The following TSC1 variants were observed in gnomAD, a reference collection of about 807,000 sequenced individuals.
TSC1 encodes TSC complex subunit 1.
TSC1 carries 20 observed loss-of-function variants against 124.3 expected under a neutral mutation model. The observed-to-expected ratio is 0.16, with a 90% confidence interval of 0.11 to 0.23. The LOEUF is 0.23. TSC1 is among the 10% of genes least tolerant of loss of function. The pLI is 1.00. For missense variants in TSC1, 1,124 were observed against 1,448.5 expected (o/e 0.78, Z 3.64); for synonymous variants, 493 against 539.1 (o/e 0.91, Z 1.19).
chr9:132,935,564 G>A (rs759227162), intron 1 of TSC1, among the ~76,000 whole-genome samples: 3 of 152,168 alleles, frequency 2.0e-5, no homozygotes, highest in African/African-American at 7.2e-5. Flanking sequence ...CATTGCCCTC[G>A]GCACAGCACG....
chr9:132,929,362 T>C (rs1249459059), intron 2 of TSC1, among the ~76,000 whole-genome samples: 1 of 152,256 alleles, frequency 6.6e-6, no homozygotes, highest in Non-Finnish European at 1.5e-5. Context: ...ATTTCCTTCT[T>C]GACAGTCTCA....
intron 1 of TSC1, among the ~76,000 whole-genome samples, chr9:132,936,480 T>C (rs1216422685): frequency 6.6e-6 from 1 of 152,242 alleles, no homozygotes; most frequent in Non-Finnish European, 1.5e-5. Context: ...TTAAGTTTAC[T>C]ACAAAAGAGA....
chr9:132,933,048 CTGGCTT>C (rs1483721739), intron 2 of TSC1, among the ~76,000 whole-genome samples: 9 of 152,316 alleles, frequency 5.9e-5, no homozygotes, highest in South Asian at 2.1e-4. Context: ...TGGTGGCTGT[CTGGCTT>C]TGGCTTTGGT....
chr9:132,939,191 T>G (rs1847613413), intron 1 of TSC1: 1 of 152,230 alleles, frequency 6.6e-6, no homozygotes, highest in South Asian at 2.1e-4. Context: ...AGGGTAATAT[T>G]CTATCAAGTG....
In TSC1 at chr9:132,932,895, T is replaced by C. The variant is rs191754607; in HGVS notation, c.-81+2138A>G. Among the ~76,000 whole-genome samples the C allele has an allele frequency of 2.8e-3, 432 of 152,326 alleles. 1 individual carries two copies. Among genetic ancestry groups the C allele is most frequent in the Non-Finnish European group, 4.7e-3 (319 of 68,040 alleles). On this transcript the variant is annotated intron_variant, in intron 2 of 22. Coordinates refer to ENST00000298552, the MANE Select transcript of TSC1 (RefSeq NM_000368.5). ...CATCACTTTTCAATAAAAGATACTT[T>C]GTAATTCATGAGAAACCTTGAACTA...
rs138919457 is a variant in TSC1, at chr9:132,923,040, C to T, written c.508+308G>A. On this transcript the variant is annotated intron_variant, in intron 6 of 22. Transcript: ENST00000298552. The surrounding 1 kb of genome is among the most constrained non-coding windows in gnomAD (Gnocchi z 4.2). ...AATGTCCCACAAGCTTAGTCCTGTA[C>T]TGCTGCAATACAGACGGAGGCTGTT... 7.6e-3 allele frequency among the ~76,000 whole-genome samples: 1,163 copies of T among 152,352 alleles called. 6 individuals are homozygous for T. Among genetic ancestry groups the T allele is most frequent in the Middle Eastern group, 0.014 (4 of 294 alleles).
chr9:132,911,373 A>G (rs770860681), intron 10 of TSC1, 80 bp downstream of exon 10: 3 of 1,151,510 alleles, frequency 2.6e-6, no homozygotes, highest in African/African-American at 3.0e-5. Flanking sequence ...AATTTTCCCA[A>G]CCACATACTA....
chr9:132,921,311 C>T lies in TSC1; in HGVS notation c.737+52G>A, dbSNP rs2132130736. On this transcript the variant is annotated intron_variant, in intron 8 of 22. Transcript: ENST00000298552. The surrounding 1 kb of genome is among the most constrained non-coding windows in gnomAD (Gnocchi z 4.3). The stretch of plus-strand genomic sequence containing the variant: ...TCAACAGGGATTACCTCCTAGATCA[C>T]ATTTTCAATCTCTCGAAAGATTCTT... The T allele has an allele frequency of 6.3e-7, 1 of 1,580,434 alleles. No individual in the cohort carries two copies. The highest frequency in any genetic ancestry group is 8.7e-7 in the Non-Finnish European group (1 of 1,150,184).
Position 132,923,655 on chromosome 9 carries a change from T to G in TSC1, c.364-163A>C. On this transcript the variant is annotated intron_variant, in intron 5 of 22. Transcript: ENST00000298552. The surrounding 1 kb of genome is among the most constrained non-coding windows in gnomAD (Gnocchi z 4.2). The stretch of plus-strand genomic sequence containing the variant: ...CTAAGGATTACTGAAGGGATAACAT[T>G]CAAACAGACTCAACAGAACACTGAG... The G allele has an allele frequency of 1.1e-6, 1 of 936,900 alleles. No homozygotes were observed. Among genetic ancestry groups the G allele is most frequent in the South Asian group, 1.5e-5 (1 of 68,340 alleles). 58.0% of individuals were successfully genotyped at this position (936,900 alleles called of 1,614,324 possible). A position where few individuals can be genotyped will look rare whatever the true frequency, so the allele number is the denominator to read the frequency against.
chr9:132,937,843 T>C (rs1199621755), intron 1 of TSC1, among the ~76,000 whole-genome samples: 8 of 152,174 alleles, frequency 5.3e-5, no homozygotes, highest in African/African-American at 1.7e-4. Context: ...ACCTCCCAAG[T>C]AGCTGGGAAT....
chr9:132,928,726 C>T (rs965644269), intron 3 of TSC1, 41 bp downstream of exon 3: 3 of 1,611,208 alleles, frequency 1.9e-6, no homozygotes, highest in South Asian at 2.2e-5. Flanking sequence ...TCAATCTCTT[C>T]TTTCTAGAAG....
In TSC1 at chr9:132,921,825, C is replaced by CACTT; in HGVS notation, c.653_656dup (p.Val220SerfsTer23). The CACTT allele has an allele frequency of 6.2e-7, 1 of 1,614,110 alleles. No individual in the cohort carries two copies. The highest frequency in any genetic ancestry group is 8.5e-7 in the Non-Finnish European group (1 of 1,180,008). ...ACAAGCAGTTTCAATTTACCTTGAC[C>CACTT]ACTTCTTCAAAAGTCTCCAGGTTTT... On this transcript the variant is annotated frameshift_variant, in exon 7 of 23. Transcript: ENST00000298552. LOFTEE classifies it high-confidence loss of function. This position sits in a 1 kb window ranked among gnomAD's most constrained non-coding sequence, Gnocchi z 4.3.
chr9:132,933,838 T>C (rs1847327900), intron 2 of TSC1, among the ~76,000 whole-genome samples: 1 of 152,238 alleles, frequency 6.6e-6, no homozygotes, highest in Admixed American at 6.5e-5. Context: ...ATGATGGTGA[T>C]ATTTAGCTTG....
chr9:132,923,336 G>A lies in TSC1; in HGVS notation c.508+12C>T, dbSNP rs1425768508. On this transcript the variant is annotated intron_variant, in intron 6 of 22. Coordinates refer to ENST00000298552, the MANE Select transcript of TSC1 (RefSeq NM_000368.5). This position sits in a 1 kb window ranked among gnomAD's most constrained non-coding sequence, Gnocchi z 4.2. ...CTCACAGGGCCCAACAGGTATATGA[G>A]GAGATCTGTACCTGGTTTCTTCAGG... 6.2e-7 allele frequency: 1 copy of A among 1,613,980 alleles called. No individual in the cohort carries two copies. The highest frequency in any genetic ancestry group is 1.1e-5 in the South Asian group (1 of 91,076).
Position 132,902,903 on chromosome 9 carries a change from A to G in TSC1, c.2209-116T>C. 3 of 1,312,976 alleles carry G rather than the reference A, an allele frequency of 2.3e-6. No individual in the cohort carries two copies. Among genetic ancestry groups the G allele is most frequent in the South Asian group, 1.2e-5 (1 of 83,296 alleles). The allele number at this position is 1,312,976 out of a possible 1,614,324, so 81.3% of individuals were successfully genotyped here. A position where few individuals can be genotyped will look rare whatever the true frequency, so the allele number is the denominator to read the frequency against. The stretch of plus-strand genomic sequence containing the variant: ...AGCTACCCTGAAAATGTAACTAACT[A>G]CAGACCAAAACTCTTAGAGCTCACT... On this transcript the variant is annotated intron_variant, in intron 17 of 22. Coordinates refer to ENST00000298552, the MANE Select transcript of TSC1 (RefSeq NM_000368.5). The surrounding 1 kb of genome is among the most constrained non-coding windows in gnomAD (Gnocchi z 5.2).
chr9:132,896,217 C>T lies in TSC1; in HGVS notation c.*18G>A. The T allele has an allele frequency of 6.2e-7, 1 of 1,614,176 alleles. No individual in the cohort carries two copies. Among genetic ancestry groups the T allele is most frequent in the South Asian group, 1.1e-5 (1 of 91,090 alleles). On this transcript the variant is annotated 3_prime_UTR_variant, in exon 23 of 23. Transcript: ENST00000298552. The surrounding 1 kb of genome is among the most constrained non-coding windows in gnomAD (Gnocchi z 4.5). ...TGTGCCAACAATATGCAAGTTAACA[C>T]TGATTGACCATCATTCCTTAGCTGT...
intron 10 of TSC1, 161 bp downstream of exon 10, chr9:132,911,292 A>C: frequency 1.2e-6 from 1 of 807,242 alleles, no homozygotes; most frequent in Non-Finnish European, 2.2e-6. Flanking sequence ...AGATGAATCT[A>C]AGAGGCAACA....
rs1293238688 is a variant in TSC1, at chr9:132,906,876, T to G, written c.1334-41A>C. On this transcript the variant is annotated intron_variant, in intron 13 of 22. Coordinates refer to ENST00000298552, the MANE Select transcript of TSC1 (RefSeq NM_000368.5). This position sits in a 1 kb window ranked among gnomAD's most constrained non-coding sequence, Gnocchi z 4.1. ...GACAACTGAAGTCAAAGAAATACAG[T>G]GTAATCCCTGTAAGTGTAAAACTGC... 6.7e-7 allele frequency: 1 copy of G among 1,496,960 alleles called. No individual in the cohort carries two copies. The highest frequency in any genetic ancestry group is 1.4e-5 in the African/African-American group (1 of 72,526). The allele number at this position is 1,496,960 out of a possible 1,614,324, so 92.7% of individuals were successfully genotyped here.
rs118203578 is a variant in TSC1 at position 132,905,811 on chromosome 9, T to G, written c.1767A>C (p.Pro589=). 6.2e-7 allele frequency: 1 copy of G among 1,613,714 alleles called. No homozygotes were observed. Among genetic ancestry groups the G allele is most frequent in the East Asian group, 2.2e-5 (1 of 44,868 alleles). ...TTCCAAAGCCCACTCTCGTCGGAGG[T>G]GGAATTTTACAAGGACTGGGAGTGA... is the stretch of plus-strand genomic sequence containing the variant. ...SIFTPSPCKI[P]PPTRVGFGSG... The change falls in exon 15 of 23, where the codon CCA becomes CCC. Residue 589 remains proline, a synonymous_variant. Transcript: ENST00000298552.
Sources: gnomAD v4.1 joint callset for allele counts (sites outside exome capture counted in the v4.1 genomes callset) on GRCh38, gnomAD v4.1.1 for gene constraint, Gnocchi (gnomAD v3.1) non-coding constraint, MANE v1.5 for transcripts, NCBI Gene and HGNC (gene_info 2026-07-23, HGNC 2026-07-21) for gene names.